The following ODAD2 variants were observed in gnomAD, a reference collection of about 807,000 sequenced individuals.
The protein encoded by ODAD2 is outer dynein arm-docking complex subunit 2.
ODAD2 carries 89 observed loss-of-function variants against 106.8 expected under a neutral mutation model. The ratio of observed to expected loss-of-function variants is 0.83; its 90% CI spans 0.70 to 0.99. The LOEUF (loss-of-function observed/expected upper bound fraction) is 0.99. Among genes scored for constraint, ODAD2 ranks in the 50% least tolerant of loss-of-function variants. ODAD2 has a pLI of 0.00. For synonymous variants in ODAD2, 404 were observed against 436.2 expected (o/e 0.93, Z 0.92); for missense variants, 1,168 against 1,238.5 (o/e 0.94, Z 0.85).
At chr10:27,828,449 GAATA>G (rs1564402854) in intron 19 of ODAD2, among the ~76,000 whole-genome samples, 3 of 152,142 alleles carry the variant, frequency 2.0e-5, no homozygotes, top group Admixed American at 6.5e-5. Flanking sequence ...CCGGGAGAAG[GAATA>G]TTCAAAGACC....
intron 16 of ODAD2, among the ~76,000 whole-genome samples, chr10:27,925,913 G>C (rs796480079): frequency 4.5e-4 from 68 of 151,578 alleles, no homozygotes; most frequent in African/African-American, 1.5e-3. Context: ...GGCTGAGACA[G>C]GAGAATTGCT....
chr10:27,939,644 G>A (rs1349792623), intron 14 of ODAD2, among the ~76,000 whole-genome samples: 1 of 152,048 alleles, frequency 6.6e-6, no homozygotes, highest in Non-Finnish European at 1.5e-5. Context: ...AGGCAGAGAT[G>A]GGAGGATCAC....
In ODAD2 at chr10:27,971,114, T is replaced by C; in HGVS notation, c.1136A>G (p.Tyr379Cys). The C allele has an allele frequency of 1.2e-6, 2 of 1,612,122 alleles. No individual in the cohort carries two copies. Among genetic ancestry groups the C allele is most frequent in the Non-Finnish European group, 1.7e-6 (2 of 1,178,214 alleles). Residue 379 changes from tyrosine (Y) to cysteine (C), a missense_variant, in exon 8 of 20, where the codon TAC becomes TGC. Around this residue, in one of 3 missense-constraint regions of ODAD2, gnomAD observed 430 missense variants for 452.2 expected, o/e 0.95. Transcript: ENST00000305242. The part of the protein sequence containing the change: ...PSLNWKTTVN[Y>C]KGKGSAKEIQ... The stretch of plus-strand genomic sequence containing the variant: ...AATGCAAATATCTACATACCCTTTG[T>C]AATTAACAGTGGTCTTCCAGTTTAA...
chr10:27,903,624 C>T (rs755596933), intron 17 of ODAD2, among the ~76,000 whole-genome samples: 2 of 152,128 alleles, frequency 1.3e-5, no homozygotes, highest in Non-Finnish European at 2.9e-5. Flanking sequence ...AATCAATGTG[C>T]AAAAGTCATA....
At chr10:27,821,965 G>C (rs11006731) in intron 19 of ODAD2, among the ~76,000 whole-genome samples, 2 of 152,138 alleles carry the variant, frequency 1.3e-5, no homozygotes, top group African/African-American at 4.8e-5. Flanking sequence ...CCACGCTTTT[G>C]AAAACTTAAC....
chr10:27,902,958 A>G (rs1269109578), intron 17 of ODAD2, among the ~76,000 whole-genome samples: 3 of 152,188 alleles, frequency 2.0e-5, no homozygotes, highest in Non-Finnish European at 4.4e-5. Flanking sequence ...TGAGACCAGC[A>G]TCATCCCCAT....
intron 19 of ODAD2, among the ~76,000 whole-genome samples, chr10:27,820,285 T>A (rs1489020410): frequency 6.6e-6 from 1 of 152,022 alleles, no homozygotes; most frequent in African/African-American, 2.4e-5. Flanking sequence ...AAATCTAGCC[T>A]GCGTTTCGCC....
chr10:27,994,475 AC>A (rs556303580), intron 2 of ODAD2, among the ~76,000 whole-genome samples: 208 of 152,200 alleles, frequency 1.4e-3, no homozygotes, highest in African/African-American at 4.6e-3. Flanking sequence ...CATGCCTGTA[AC>A]CCTAGCATTG....
At position 27,995,150 on chromosome 10, in the gene ODAD2, A is replaced by G. The variant is rs1222440524; in HGVS notation, c.-8T>C. 2.5e-5 allele frequency: 40 copies of G among 1,614,120 alleles called. No individual in the cohort carries two copies. Among genetic ancestry groups the G allele is most frequent in the East Asian group, 1.1e-4 (5 of 44,872 alleles). ...CCTCAGAGCCACACCCATGGGATCC[A>G]CCGTGCTCAGACCTGAGCTTAGCAC... On this transcript the variant is annotated 5_prime_UTR_variant, in exon 2 of 20. Coordinates refer to ENST00000305242, the MANE Select transcript of ODAD2 (RefSeq NM_018076.5).
At position 27,848,657 on chromosome 10, in the gene ODAD2, C is replaced by A. The variant is rs557182212; in HGVS notation, c.3021+11968G>T. On this transcript the variant is annotated intron_variant, in intron 19 of 19. Coordinates refer to ENST00000305242, the MANE Select transcript of ODAD2 (RefSeq NM_018076.5). ...ATGGGAGAAAATTTTTGCAATCTAC[C>A]CATCTGACGAAGGGCTAATATCCAG... Among the ~76,000 whole-genome samples the A allele has an allele frequency of 1.2e-3, 188 of 152,164 alleles. 2 individuals are homozygous for A. The highest frequency in any genetic ancestry group is 4.2e-3 in the African/African-American group (174 of 41,508).
At chr10:27,925,059 C>T (rs554065558) in intron 16 of ODAD2, among the ~76,000 whole-genome samples, 60 of 148,774 alleles carry the variant, frequency 4.0e-4, no homozygotes, top group African/African-American at 1.4e-3. Context: ...TTATAAAAAG[C>T]CAGAAAAAGA....
In ODAD2 at chr10:27,944,911, T is replaced by C. The variant is rs1224316903; in HGVS notation, c.1438A>G (p.Ser480Gly). 1 of 1,614,178 alleles carries C rather than the reference T, an allele frequency of 6.2e-7. No homozygotes were observed. Among genetic ancestry groups the C allele is most frequent in the East Asian group, 2.2e-5 (1 of 44,872 alleles). ...VIALCSMRDF[S>G]LAQETCQLAI... Reference sequence around the variant, plus strand: ...AACTGGCAGGTTTCTTGAGCTAAGCTGAAATCCCTCATTGAACACAACGCA... The same window carrying C: ...AACTGGCAGGTTTCTTGAGCTAAGCCGAAATCCCTCATTGAACACAACGCA... Residue 480 changes from serine (S) to glycine (G), a missense_variant, in exon 11 of 20, where the codon AGC becomes GGC. Ser to Gly is a moderately conservative substitution (Grantham distance 56, BLOSUM62 0). Coordinates refer to ENST00000305242, the MANE Select transcript of ODAD2 (RefSeq NM_018076.5).
At chr10:27,941,604 T>TTG (rs1453637103) in intron 12 of ODAD2, among the ~76,000 whole-genome samples, 3 of 149,872 alleles carry the variant, frequency 2.0e-5, no homozygotes, top group Non-Finnish European at 4.5e-5. Flanking sequence ...CAGTTTTTTT[T>TTG]TTTTTTTTTT....
chr10:27,945,017 T>A (rs1342842371), intron 10 of ODAD2, 55 bp from the exon 11 acceptor site: 6 of 1,591,454 alleles, frequency 3.8e-6, no homozygotes, highest in Non-Finnish European at 4.3e-6. Context: ...CCCATAGAAA[T>A]GCACTAAGTA....
intron 19 of ODAD2, among the ~76,000 whole-genome samples, chr10:27,855,391 T>C (rs1270106038): frequency 6.6e-6 from 1 of 152,098 alleles, no homozygotes; most frequent in African/African-American, 2.4e-5. Flanking sequence ...ATATGTAGTA[T>C]ATATTCATCG....
At chr10:27,844,945 A>G (rs978848616) in intron 19 of ODAD2, among the ~76,000 whole-genome samples, 3 of 152,210 alleles carry the variant, frequency 2.0e-5, no homozygotes, top group African/African-American at 4.8e-5. Context: ...GAAGACAAGC[A>G]GTCTATTAGC....
At position 27,910,615 on chromosome 10, in the gene ODAD2, G is replaced by T. The variant is rs1843938542; in HGVS notation, c.2496-2838C>A. Reference sequence around the variant, plus strand: ...AAAAAATACAAAAAAAAATTAGCCAGGCATGGTGGTGCACGACTCTAATCT... The same window carrying T: ...AAAAAATACAAAAAAAAATTAGCCATGCATGGTGGTGCACGACTCTAATCT... On this transcript the variant is annotated intron_variant, in intron 16 of 19. Coordinates refer to ENST00000305242, the MANE Select transcript of ODAD2 (RefSeq NM_018076.5). Among the ~76,000 whole-genome samples the T allele has an allele frequency of 2.6e-5, 4 of 151,994 alleles. No individual in the cohort carries two copies. The South Asian group carries it at 8.3e-4, about 32-fold the overall frequency.
At position 27,943,795 on chromosome 10, in the gene ODAD2, CAAAAAAAAAAAAA is replaced by C. The variant is rs56059926; in HGVS notation, c.1743+414_1743+426del. Among the ~76,000 whole-genome samples, 583 of 58,620 alleles carry C rather than the reference CAAAAAAAAAAAAA, an allele frequency of 9.9e-3. 2 individuals carry two copies. The highest frequency in any genetic ancestry group is 0.024 in the African/African-American group (304 of 12,916). 38.5% of individuals were successfully genotyped at this position (58,620 alleles called of 152,430 possible). The stretch of plus-strand genomic sequence containing the variant: ...GAGCCACAGAAGTGAGGCTCTGTCT[CAAAAAAAAAAAAA>C]AAAAAAAAAAAAAAAAAAAAAGGCA... On this transcript the variant is annotated intron_variant, in intron 12 of 19. Coordinates refer to ENST00000305242, the MANE Select transcript of ODAD2 (RefSeq NM_018076.5).
rs758151554 is a variant in ODAD2 at position 27,944,958 on chromosome 10, C to T, written c.1391G>A (p.Gly464Glu). 10 of 1,614,042 alleles carry T rather than the reference C, an allele frequency of 6.2e-6. No homozygotes were observed. The South Asian group carries it at 1.1e-4, about 18-fold the overall frequency. The stretch of plus-strand genomic sequence containing the variant: ...CGCAATCACTGTAGCTGTTTGATTT[C>T]CTCCCTACAAAGATGCAATGCCAGA... Reference protein sequence around the residue: ...IQKLVKYLKGGNQTATVIALC... With the variant: ...IQKLVKYLKGENQTATVIALC... Residue 464 changes from glycine (G) to glutamate (E), a missense_variant, in exon 11 of 20, where the codon GGA becomes GAA. Transcript: ENST00000305242.
Sources: gnomAD v4.1 joint callset for allele counts (sites outside exome capture counted in the v4.1 genomes callset) on GRCh38, gnomAD v4.1.1 for gene constraint, gnomAD v4.1.1 regional missense constraint, MANE v1.5 for transcripts, NCBI Gene and HGNC (gene_info 2026-07-23, HGNC 2026-07-21) for gene names.